The following CYRIB variants were observed in gnomAD, a reference collection of about 807,000 sequenced individuals.
The protein encoded by CYRIB is CYFIP-related Rac1 interactor B.
In CYRIB, 8 loss-of-function variants were observed where a neutral mutation model predicts 44.2. The observed-to-expected ratio is 0.18, with a 90% CI of 0.11 to 0.33. The LOEUF is 0.33. CYRIB is among the 10% of genes least tolerant of loss of function. The pLI is 1.00. For missense variants in CYRIB, 185 were observed against 382.8 expected (o/e 0.48, Z 4.31); for synonymous variants, 131 against 127.2 (o/e 1.03, Z -0.20).
intron 2 of CYRIB, among the ~76,000 whole-genome samples, chr8:129,965,527 T>C (rs1268716094): frequency 1.3e-5 from 2 of 152,130 alleles, no homozygotes; most frequent in Non-Finnish European, 2.9e-5. Flanking sequence ...CCGGGCGCGG[T>C]GGCTCACGCC....
At chr8:129,937,726 C>T (rs1433486583) in intron 1 of CYRIB, among the ~76,000 whole-genome samples, 1 of 152,192 alleles carries the variant, frequency 6.6e-6, no homozygotes, top group Non-Finnish European at 1.5e-5. Context: ...AGACAAAAAT[C>T]TAGCCTCTAC....
upstream of CYRIB, among the ~76,000 whole-genome samples, chr8:129,944,765 G>A (rs958692092): frequency 3.3e-5 from 5 of 150,642 alleles, no homozygotes; most frequent in East Asian, 2.0e-4. Flanking sequence ...CCTGGGCAAC[G>A]CAGTAAGACT....
intron 2 of CYRIB, among the ~76,000 whole-genome samples, chr8:129,883,829 A>G (rs899603630): frequency 6.6e-6 from 1 of 151,546 alleles, no homozygotes; most frequent in Non-Finnish European, 1.5e-5. Context: ...TATCCACCTC[A>G]GAGGGTTCCT....
chr8:129,842,318 T>A (rs2036754750), intron 11 of CYRIB, 113 bp from the exon 14 acceptor site: 2 of 726,614 alleles, frequency 2.8e-6, no homozygotes, highest in Admixed American at 4.7e-5. Flanking sequence ...CACAAAATTA[T>A]GGCTTCTCAT....
chr8:129,897,827 G>T (rs191270377), intron 2 of CYRIB, among the ~76,000 whole-genome samples: 11 of 152,116 alleles, frequency 7.2e-5, no homozygotes, highest in African/African-American at 2.7e-4. Context: ...GTGCAGTGGA[G>T]CAATCTTGGC....
chr8:129,929,751 G>C (rs943136179), intron 1 of CYRIB, among the ~76,000 whole-genome samples: 1 of 152,116 alleles, frequency 6.6e-6, no homozygotes, highest in Non-Finnish European at 1.5e-5. Flanking sequence ...ATACTTCTAA[G>C]GGTCATGATT....
At chr8:129,973,681 G>C (rs1335019459) in intron 1 of CYRIB, among the ~76,000 whole-genome samples, 1 of 152,150 alleles carries the variant, frequency 6.6e-6, no homozygotes, top group African/African-American at 2.4e-5. Flanking sequence ...TTGTCATTTA[G>C]TTCTTTAAAA....
chr8:129,993,626 G>A (rs2096694817), intron 1 of CYRIB, among the ~76,000 whole-genome samples: 1 of 152,020 alleles, frequency 6.6e-6, no homozygotes, highest in South Asian at 2.1e-4. Flanking sequence ...GAACCCAGGA[G>A]GCGGAGGTTG....
At chr8:129,924,516 C>A (rs746864410) in intron 1 of CYRIB, among the ~76,000 whole-genome samples, 7 of 152,074 alleles carry the variant, frequency 4.6e-5, no homozygotes, top group East Asian at 1.9e-4. Context: ...ACTGAACAAG[C>A]CGAACCCGTG....
rs1480492817 is a variant in CYRIB, at chr8:129,842,207, T to TA, written c.912-3dup. The TA allele has an allele frequency of 1.2e-6, 2 of 1,603,786 alleles. No homozygotes were observed. The highest frequency in any genetic ancestry group is 2.7e-5 in the African/African-American group (2 of 74,732). Reference sequence around the variant, plus strand: ...TCATTCAAATGTTTTGTTGTGTACCTAAAAAAAGAAAAGAAAAAAGATCAA... The same window carrying TA: ...TCATTCAAATGTTTTGTTGTGTACCTAAAAAAAAGAAAAGAAAAAAGATCAA... On this transcript the variant is annotated splice_region_variant and splice_polypyrimidine_tract_variant and intron_variant, in intron 11 of 11. Coordinates refer to ENST00000519824, the Ensembl canonical transcript of CYRIB.
chr8:129,876,922 G>A (rs2059311627), intron 3 of CYRIB, among the ~76,000 whole-genome samples: 1 of 152,214 alleles, frequency 6.6e-6, no homozygotes, highest in Non-Finnish European at 1.5e-5. Flanking sequence ...TTAAGTTATT[G>A]AGAATTAGCA....
intron 4 of CYRIB, among the ~76,000 whole-genome samples, chr8:129,870,909 C>T (rs540457146): frequency 6.6e-6 from 1 of 152,158 alleles, no homozygotes; most frequent in Non-Finnish European, 1.5e-5. Context: ...AGAAGTCAGT[C>T]TTGGAAAGAA....
chr8:129,968,659 C>G (rs779853690), intron 2 of CYRIB, among the ~76,000 whole-genome samples: 9 of 152,132 alleles, frequency 5.9e-5, no homozygotes, highest in African/African-American at 2.2e-4. Context: ...CCAGTTCTTA[C>G]GTTAATTTTT....
chr8:129,938,092 C>G (rs2093129547), intron 1 of CYRIB, among the ~76,000 whole-genome samples: 1 of 151,784 alleles, frequency 6.6e-6, no homozygotes, highest in Non-Finnish European at 1.5e-5. Flanking sequence ...AAGAGCCTCT[C>G]GTTCGTTATT....
At chr8:129,862,311 C>G (rs776626237) in exon 5 of CYRIB, 4 of 1,613,156 alleles carry the variant, frequency 2.5e-6, no homozygotes, top group Admixed American at 1.7e-5. Context: ...CTTGCAACTT[C>G]TCATCTGCTG....
intron 3 of CYRIB, among the ~76,000 whole-genome samples, chr8:129,872,129 C>A (rs924293819): frequency 6.6e-6 from 1 of 152,054 alleles, no homozygotes; most frequent in African/African-American, 2.4e-5. Flanking sequence ...TATCACTGAA[C>A]TATTCTGCTG....
intron 4 of CYRIB, among the ~76,000 whole-genome samples, chr8:129,869,912 T>G (rs1220136911): frequency 6.6e-6 from 1 of 151,608 alleles, no homozygotes; most frequent in African/African-American, 2.4e-5. Flanking sequence ...AAAGGAATGG[T>G]TCCCACAAAA....
intron 2 of CYRIB, among the ~76,000 whole-genome samples, chr8:129,900,505 G>A (rs1279201756): frequency 1.3e-5 from 2 of 152,114 alleles, no homozygotes; most frequent in Admixed American, 6.5e-5. Context: ...ACTTACCACC[G>A]TACAGCTTAT....
At chr8:129,866,988 T>C (rs1425098212) in intron 4 of CYRIB, among the ~76,000 whole-genome samples, 1 of 152,236 alleles carries the variant, frequency 6.6e-6, no homozygotes. Flanking sequence ...GTATAACTTA[T>C]TTTCAAAAAT....
Sources: gnomAD v4.1 joint callset for allele counts (sites outside exome capture counted in the v4.1 genomes callset) on GRCh38, gnomAD v4.1.1 for gene constraint, MANE v1.5 for transcripts, NCBI Gene and HGNC (gene_info 2026-07-23, HGNC 2026-07-21) for gene names.